Variants in TSACC observed in about 807,000 individuals in gnomAD.
TSACC encodes the protein TSSK6 activating cochaperone, also known as TSSK6-activating co-chaperone protein.
Under a neutral mutation model 6.9 loss-of-function variants are expected in TSACC, and 3 were observed. The ratio of observed to expected loss-of-function variants is 0.43; its 90% CI spans 0.20 to 1.12. The LOEUF is 1.12. TSACC is among the 50% of genes most tolerant of loss of function. TSACC has a pLI of 0.28. For synonymous variants in TSACC, 54 were observed against 55.1 expected (o/e 0.98, Z 0.09); for missense variants, 137 against 143.9 (o/e 0.95, Z 0.24).
chr1:156,338,045 G>A, upstream of TSACC: 1 of 1,204,264 alleles, frequency 8.3e-7, no homozygotes, highest in East Asian at 2.5e-5. Context: ...GACGATGATT[G>A]GAAGGCTCAG....
chr1:156,338,102 G>A, upstream of TSACC: 2 of 1,558,734 alleles, frequency 1.3e-6, no homozygotes, highest in Non-Finnish European at 8.7e-7. Context: ...TGAAAAGTAT[G>A]GACAGAAGAG....
At chr1:156,345,104 AG>A (rs1666095395) in intron 3 of TSACC, among the ~76,000 whole-genome samples, 1 of 152,180 alleles carries the variant, frequency 6.6e-6, no homozygotes, top group East Asian at 1.9e-4. Context: ...TCCCTTGGGG[AG>A]GTCAGTGGGT....
intron 2 of TSACC, 90 bp from the exon 3 acceptor site, chr1:156,344,490 G>T (rs1666058108): frequency 8.6e-6 from 13 of 1,518,792 alleles, no homozygotes; most frequent in Non-Finnish European, 1.2e-5. Context: ...CAGGGCCTGG[G>T]CACCTGCTTT....
intron 1 of TSACC, 25 bp downstream of exon 1, chr1:156,338,630 C>A: frequency 5.2e-6 from 1 of 192,340 alleles, no homozygotes; most frequent in South Asian, 9.9e-5. Flanking sequence ...CTGTGTATTG[C>A]GACTCGGCTC....
chr1:156,345,032 G>A (rs995556887), intron 3 of TSACC, among the ~76,000 whole-genome samples: 1 of 152,108 alleles, frequency 6.6e-6, no homozygotes, highest in South Asian at 2.1e-4. Context: ...TTTAAAAAAC[G>A]GTGGCTAGAG....
upstream of TSACC, chr1:156,338,201 G>A (rs1665540837): frequency 1.9e-6 from 3 of 1,584,820 alleles, no homozygotes; most frequent in Non-Finnish European, 2.6e-6. Flanking sequence ...GCGATGCAGA[G>A]CCGGGTACCC....
Position 156,346,980 on chromosome 1 carries a change from T to TG in TSACC, c.377dup (p.Ter126TrpfsTer?), listed in dbSNP as rs552030610. The stretch of plus-strand genomic sequence containing the variant: ...AAATCACCTGCCCCAATTCAGTAAA[T>TG]GAATTGTGGAACAAAGTTATTGTGT... On this transcript the variant is annotated frameshift_variant and stop_lost, in exon 4 of 4. Coordinates refer to ENST00000368254, the MANE Select transcript of TSACC (RefSeq NM_001304817.2). LOFTEE classifies it high-confidence loss of function. The TG allele has an allele frequency of 3.1e-6, 5 of 1,613,154 alleles. No individual in the cohort carries two copies. Among genetic ancestry groups the TG allele is most frequent in the Non-Finnish European group, 4.2e-6 (5 of 1,179,296 alleles).
rs570500763 is a variant in TSACC at position 156,342,020 on chromosome 1, C to T, written c.34+2229C>T. 2.0e-5 allele frequency among the ~76,000 whole-genome samples: 3 copies of T among 150,282 alleles called. No individual in the cohort carries two copies. The South Asian group carries it at 6.3e-4, about 32-fold the overall frequency. ...GAGCTTGCAGTGAGCCGAGATGGCA[C>T]CACTGCACTCCAGCCTGGGCGACAG... On this transcript the variant is annotated intron_variant, in intron 2 of 3. Transcript: ENST00000368254.
intron 2 of TSACC, among the ~76,000 whole-genome samples, chr1:156,343,642 T>C (rs1666013596): frequency 1.3e-5 from 2 of 152,166 alleles, no homozygotes; most frequent in African/African-American, 4.8e-5. Flanking sequence ...GGGAATACCA[T>C]GATTGGCCTG....
In TSACC at chr1:156,346,965, C is replaced by T; in HGVS notation, c.361C>T (p.Pro121Ser). The change falls in exon 4 of 4, where the codon CCC (proline) becomes TCC (serine). Residue 121 changes from proline to serine, a missense_variant. Transcript: ENST00000368254. ...LSPNPLLNHL[P>S]QFSK Reference sequence around the variant, plus strand: ...TCCTAATCCATTGTTAAATCACCTGCCCCAATTCAGTAAATGAATTGTGGA... The same window carrying T: ...TCCTAATCCATTGTTAAATCACCTGTCCCAATTCAGTAAATGAATTGTGGA... The T allele has an allele frequency of 6.2e-7, 1 of 1,613,854 alleles. No homozygotes were observed. The highest frequency in any genetic ancestry group is 2.2e-5 in the East Asian group (1 of 44,882).
chr1:156,338,200 A>G, upstream of TSACC: 1 of 1,585,138 alleles, frequency 6.3e-7, no homozygotes, highest in South Asian at 1.2e-5. Context: ...CGCGATGCAG[A>G]GCCGGGTACC....
At chr1:156,338,730 C>T (rs2101693479) in intron 1 of TSACC, 125 bp downstream of exon 1, 1 of 155,652 alleles carries the variant, frequency 6.4e-6, no homozygotes, top group East Asian at 1.9e-4. Context: ...GGCGGGACTC[C>T]AGCCAGCACA....
At chr1:156,337,835 G>A (rs765667520), upstream of TSACC, 13 of 431,832 alleles carry the variant, frequency 3.0e-5, no homozygotes, top group Non-Finnish European at 5.0e-5. Context: ...GCTACATAGC[G>A]ACAATCAGGC....
Position 156,344,609 on chromosome 1 carries a change from CCT to C in TSACC, c.69_70del (p.Cys24Ter), listed in dbSNP as rs1384337065. The C allele has an allele frequency of 3.7e-6, 6 of 1,613,906 alleles. No individual in the cohort carries two copies. Among genetic ancestry groups the C allele is most frequent in the Non-Finnish European group, 4.2e-6 (5 of 1,179,990 alleles). ...AGCCAAAGAGGAAGCTAATGCTGTGCCTCTCTGTAGAGCAAAACCCTCCCCCA... is the reference window on the plus strand; with the variant it reads ...AGCCAAAGAGGAAGCTAATGCTGTGCCTCTGTAGAGCAAAACCCTCCCCCA... ...VPAKEEANAV[P>X]LCRAKPSPSY... is the part of the protein sequence containing the mutation. On this transcript the variant is annotated frameshift_variant, in exon 3 of 4. Transcript: ENST00000368254. LOFTEE classifies it high-confidence loss of function.
At chr1:156,340,739 G>A (rs1367556593) in intron 2 of TSACC, among the ~76,000 whole-genome samples, 1 of 152,232 alleles carries the variant, frequency 6.6e-6, no homozygotes, top group Non-Finnish European at 1.5e-5. Context: ...GGGATTACAG[G>A]TGTGAGCCAC....
chr1:156,341,352 T>G (rs1314121892), intron 2 of TSACC, among the ~76,000 whole-genome samples: 1 of 152,168 alleles, frequency 6.6e-6, no homozygotes, highest in Non-Finnish European at 1.5e-5. Context: ...TTATCTACAT[T>G]CCTCAGGTCA....
chr1:156,341,544 T>C (rs545873839), intron 2 of TSACC, among the ~76,000 whole-genome samples: 3 of 152,132 alleles, frequency 2.0e-5, no homozygotes, highest in Non-Finnish European at 2.9e-5. Flanking sequence ...GAGAAACATA[T>C]AAGAGAATGT....
chr1:156,346,868 A>G lies in TSACC; in HGVS notation c.264A>G (p.Glu88=). 1.2e-6 allele frequency: 2 copies of G among 1,614,162 alleles called. No individual in the cohort carries two copies. Among genetic ancestry groups the G allele is most frequent in the Non-Finnish European group, 1.7e-6 (2 of 1,180,022 alleles). Residue 88 remains glutamate, a synonymous_variant, in exon 4 of 4, where the codon GAA becomes GAG. Transcript: ENST00000368254. ...QLAQQQMAVL[E]HLQASVTQLA... is the part of the protein sequence containing the mutation. ...CCCAACAACAGATGGCTGTTTTGGA[A>G]CATTTACAGGCATCTGTGACACAAC...
upstream of TSACC, chr1:156,338,033 A>G: frequency 1.8e-6 from 2 of 1,098,744 alleles, no homozygotes; most frequent in Non-Finnish European, 1.4e-6. Context: ...TTCCAAAATG[A>G]AGACGATGAT....
Sources: gnomAD v4.1 joint callset for allele counts (sites outside exome capture counted in the v4.1 genomes callset) on GRCh38, gnomAD v4.1.1 for gene constraint, MANE v1.5 for transcripts, NCBI Gene and HGNC (gene_info 2026-07-23, HGNC 2026-07-21) for gene names.